Variants in PLCG2 observed in about 807,000 individuals in gnomAD.
PLCG2 encodes the protein phospholipase C gamma 2.
In PLCG2, 69 loss-of-function variants were observed where a neutral mutation model predicts 175.6. That is an observed-to-expected ratio of 0.39 (90% CI 0.32 to 0.48). The LOEUF is 0.48. PLCG2 is among the 20% of genes least tolerant of loss of function. The probability of loss-of-function intolerance (pLI) is 0.91; values close to 1 mark genes in which losing one functional copy is unlikely to be tolerated. For missense variants in PLCG2, 1,798 were observed against 1,650.9 expected, an observed-to-expected ratio of 1.09 and a Z score of -1.54; for synonymous variants, 827 against 624.0, an observed-to-expected ratio of 1.33 and a Z score of -4.85.
intron 30 of PLCG2, among the ~76,000 whole-genome samples, chr16:81,943,644 G>C (rs567649500): frequency 1.3e-5 from 2 of 152,180 alleles, no homozygotes; most frequent in Admixed American, 1.3e-4. Context: ...TCCCAAGTCA[G>C]AATCTGCATT....
chr16:81,912,730 TGG>T lies in PLCG2; in HGVS notation c.2054+16_2054+17del, dbSNP rs767167246. 1.3e-6 allele frequency: 2 copies of T among 1,585,656 alleles called. No individual in the cohort carries two copies. The highest frequency in any genetic ancestry group is 1.7e-6 in the Non-Finnish European group (2 of 1,166,738). On this transcript the variant is annotated intron_variant, in intron 19 of 32. Coordinates refer to ENST00000564138, the MANE Select transcript of PLCG2 (RefSeq NM_002661.5). Reference sequence around the variant, plus strand: ...CATCACCTTCAGGTGGGTGCGAGGGTGGGAGGCACATGCTCTACAGAGGGGCT... The same window carrying T: ...CATCACCTTCAGGTGGGTGCGAGGGTGAGGCACATGCTCTACAGAGGGGCT...
At chr16:81,768,471 A>T (rs1056147608) in intron 2 of PLCG2, among the ~76,000 whole-genome samples, 1 of 151,466 alleles carries the variant, frequency 6.6e-6, no homozygotes, top group Non-Finnish European at 1.5e-5. Flanking sequence ...GAAACTGCCC[A>T]GCTGTTTTCC....
In PLCG2 at chr16:81,959,587, A is replaced by G. The variant is rs529450741; in HGVS notation, c.*1589A>G. 5 of 198,182 alleles carry G rather than the reference A, an allele frequency of 2.5e-5. No individual in the cohort carries two copies. Among genetic ancestry groups the G allele is most frequent in the East Asian group, 7.8e-5 (1 of 12,744 alleles). 12.3% of individuals were successfully genotyped at this position (198,182 alleles called of 1,614,324 possible). A position where few individuals can be genotyped will look rare whatever the true frequency, so the allele number is the denominator to read the frequency against. ...CAAGGAAGGGCTGTTATCTGGTGCTATCACTCCAGTTACTCCTCCAACTGG... is the reference window on the plus strand; with the variant it reads ...CAAGGAAGGGCTGTTATCTGGTGCTGTCACTCCAGTTACTCCTCCAACTGG... On this transcript the variant is annotated 3_prime_UTR_variant, in exon 33 of 33. Coordinates refer to ENST00000564138, the MANE Select transcript of PLCG2 (RefSeq NM_002661.5).
chr16:81,890,101 C>A (rs777843960), intron 10 of PLCG2, among the ~76,000 whole-genome samples: 1 of 152,006 alleles, frequency 6.6e-6, no homozygotes, highest in Non-Finnish European at 1.5e-5. Context: ...TAGAGCCATG[C>A]GAACGCCCGA....
At chr16:81,757,365 A>C (rs1597304472) in intron 2 of PLCG2, among the ~76,000 whole-genome samples, 1 of 152,198 alleles carries the variant, frequency 6.6e-6, no homozygotes, top group African/African-American at 2.4e-5. Context: ...CTGTTTAGTG[A>C]CCAGCCTGGC....
chr16:81,758,068 C>T (rs766350739), intron 2 of PLCG2, among the ~76,000 whole-genome samples: 11 of 152,152 alleles, frequency 7.2e-5, no homozygotes, highest in Non-Finnish European at 1.3e-4. Context: ...TTCCACCTCA[C>T]GGGCTCAAGC....
intron 1 of PLCG2, among the ~76,000 whole-genome samples, chr16:81,750,008 T>A (rs1909776155): frequency 6.6e-6 from 1 of 151,714 alleles, no homozygotes; most frequent in Non-Finnish European, 1.5e-5. Flanking sequence ...AATATACCGT[T>A]AAGTAAAAAC....
intron 2 of PLCG2, among the ~76,000 whole-genome samples, chr16:81,847,973 C>T (rs765701859): frequency 9.2e-5 from 14 of 152,148 alleles, no homozygotes; most frequent in Admixed American, 2.0e-4. Context: ...AGAATCCCAG[C>T]AAGTTATTCT....
At chr16:81,880,010 A>T (rs966453708) in intron 7 of PLCG2, among the ~76,000 whole-genome samples, 1 of 152,218 alleles carries the variant, frequency 6.6e-6, no homozygotes, top group African/African-American at 2.4e-5. Context: ...GGGGCTCAGG[A>T]GGGAGCATCT....
upstream of PLCG2, among the ~76,000 whole-genome samples, chr16:81,778,889 G>A (rs1021457216): frequency 1.3e-5 from 2 of 152,146 alleles, no homozygotes; most frequent in African/African-American, 4.8e-5. Flanking sequence ...TCGAACTCTC[G>A]AGCTCAGACG....
In PLCG2 at chr16:81,938,826, A is replaced by T; in HGVS notation, c.3224A>T (p.Lys1075Ile). The T allele has an allele frequency of 6.2e-7, 1 of 1,612,526 alleles. No homozygotes were observed. The highest frequency in any genetic ancestry group is 8.5e-7 in the Non-Finnish European group (1 of 1,179,366). ...GTTCTCGGTGCTCGCCATCTCCCCA[A>T]ACTTGGACGAAGTATTGCCTGTCCC... Reference protein sequence around the residue: ...VKVLGARHLPKLGRSIACPFV... With the variant: ...VKVLGARHLPILGRSIACPFV... The change falls in exon 29 of 33, where the codon AAA (lysine) becomes ATA (isoleucine). Residue 1075 changes from lysine (K) to isoleucine (I), a missense_variant. Coordinates refer to ENST00000564138, the MANE Select transcript of PLCG2 (RefSeq NM_002661.5).
At chr16:81,883,381 G>A (rs777419172) in intron 9 of PLCG2, 40 bp downstream of exon 9, 10 of 1,541,718 alleles carry the variant, frequency 6.5e-6, no homozygotes, top group Admixed American at 1.7e-5. Context: ...GGGAGCTGGC[G>A]GGATGCTGCT....
chr16:81,784,675 A>T (rs1030390109), intron 1 of PLCG2, among the ~76,000 whole-genome samples: 1 of 152,238 alleles, frequency 6.6e-6, no homozygotes, highest in African/African-American at 2.4e-5. Context: ...CTGACTTTGT[A>T]TCATTGTTTT....
intron 31 of PLCG2, among the ~76,000 whole-genome samples, chr16:81,949,054 A>G (rs1228641217): frequency 6.6e-6 from 1 of 152,224 alleles, no homozygotes; most frequent in Non-Finnish European, 1.5e-5. Flanking sequence ...GTATATAAAG[A>G]GATCTGCATT....
intron 10 of PLCG2, 43 bp from the exon 11 acceptor site, chr16:81,891,429 C>A: frequency 1.9e-6 from 2 of 1,074,558 alleles, no homozygotes; most frequent in Middle Eastern, 2.0e-4. Context: ...CACCATCCTG[C>A]CCGTCAACGT....
At chr16:81,774,938 G>T (rs1487723035), upstream of PLCG2, among the ~76,000 whole-genome samples, 7 of 151,880 alleles carry the variant, frequency 4.6e-5, no homozygotes, top group African/African-American at 1.5e-4. Flanking sequence ...AGAGATGGAG[G>T]TCTCATCATG....
rs190275260 is a variant in PLCG2 at position 81,925,005 on chromosome 16, C to T, written c.2417+1411C>T. ...CCCTGCCTTGGTCAACATCCTGGTGCGCACTGGGTGGGTGACTAACAACAT... is the reference window on the plus strand; with the variant it reads ...CCCTGCCTTGGTCAACATCCTGGTGTGCACTGGGTGGGTGACTAACAACAT... On this transcript the variant is annotated intron_variant, in intron 22 of 32. Transcript: ENST00000564138. Among the ~76,000 whole-genome samples, 50 of 152,350 alleles carry T rather than the reference C, an allele frequency of 3.3e-4. No individual in the cohort carries two copies. The East Asian group carries it at 5.6e-3, about 17-fold the overall frequency.
At chr16:81,853,963 C>T (rs989450542) in intron 2 of PLCG2, among the ~76,000 whole-genome samples, 1 of 152,082 alleles carries the variant, frequency 6.6e-6, no homozygotes, top group African/African-American at 2.4e-5. Context: ...TTCCTCTTCC[C>T]CCTTTAATTG....
intron 2 of PLCG2, among the ~76,000 whole-genome samples, chr16:81,831,757 C>T (rs577329430): frequency 3.3e-5 from 5 of 152,144 alleles, no homozygotes; most frequent in Admixed American, 2.0e-4. Flanking sequence ...CCCGCTCTTG[C>T]CCCAATCCTG....
Sources: allele counts gnomAD v4.1 joint callset (sites outside exome capture counted in the v4.1 genomes callset), GRCh38; gene constraint gnomAD v4.1.1; transcripts MANE v1.5; gene names NCBI Gene and HGNC (gene_info 2026-07-23, HGNC 2026-07-21).